The following FARS2 variants were observed in gnomAD, a reference collection of about 807,000 sequenced individuals.
FARS2 encodes phenylalanyl-tRNA synthetase 2, mitochondrial, also known as phenylalanine--tRNA ligase, mitochondrial.
Under a neutral mutation model 46.4 loss-of-function variants are expected in FARS2, and 40 were observed. That is an observed-to-expected ratio of 0.86 (90% confidence interval 0.67 to 1.12). The LOEUF is 1.12. Ranked by LOEUF, FARS2 falls within the 50% of genes most tolerant of loss-of-function variation. FARS2 has a pLI of 0.00. For synonymous variants in FARS2, 234 were observed against 214.9 expected, an observed-to-expected ratio of 1.09 and a Z score of -0.78; for missense variants, 513 against 567.9, an observed-to-expected ratio of 0.90 and a Z score of 0.98.
intron 1 of FARS2, among the ~76,000 whole-genome samples, chr6:5,299,993 A>G (rs1768180603): frequency 6.6e-6 from 1 of 152,236 alleles, no homozygotes; most frequent in African/African-American, 2.4e-5. Context: ...TTTTATTTAT[A>G]TATGAGAGCT....
chr6:5,756,625 C>T (rs906428613), intron 6 of FARS2, among the ~76,000 whole-genome samples: 1 of 152,140 alleles, frequency 6.6e-6, no homozygotes, highest in African/African-American at 2.4e-5. Flanking sequence ...CCACCAGATC[C>T]CTCCCCCAAC....
intron 1 of FARS2, among the ~76,000 whole-genome samples, chr6:5,318,486 C>T (rs759328073): frequency 6.6e-5 from 10 of 151,008 alleles, no homozygotes; most frequent in Non-Finnish European, 1.5e-4. Flanking sequence ...TGGATCTGGT[C>T]AGGTTTTTAT....
chr6:5,329,003 C>T (rs975912463), intron 1 of FARS2, among the ~76,000 whole-genome samples: 4 of 152,036 alleles, frequency 2.6e-5, no homozygotes, highest in African/African-American at 9.7e-5. Flanking sequence ...AGTGTCTTAT[C>T]TCTATAACTT....
chr6:5,678,952 T>C (rs1778897162), intron 6 of FARS2, among the ~76,000 whole-genome samples: 1 of 152,184 alleles, frequency 6.6e-6, no homozygotes, highest in African/African-American at 2.4e-5. Flanking sequence ...CCACTGTCTG[T>C]TTTATGACCT....
intron 1 of FARS2, among the ~76,000 whole-genome samples, chr6:5,319,398 GC>G (rs1293151270): frequency 6.6e-6 from 1 of 152,212 alleles, no homozygotes; most frequent in Non-Finnish European, 1.5e-5. Context: ...ATGAGCACTT[GC>G]ACAACGTCAG....
At chr6:5,438,370 C>CT (rs202222501) in intron 4 of FARS2, among the ~76,000 whole-genome samples, 5 of 145,488 alleles carry the variant, frequency 3.4e-5, no homozygotes, top group South Asian at 2.2e-4. Context: ...ACTCTGCTTA[C>CT]TTTTTTTTTT....
At chr6:5,607,981 GTA>G (rs1016649640) in intron 5 of FARS2, among the ~76,000 whole-genome samples, 16 of 68,684 alleles carry the variant, frequency 2.3e-4, no homozygotes, top group African/African-American at 7.3e-4. Flanking sequence ...ACTTGGGCAT[GTA>G]TTTTTTTTTT....
intron 6 of FARS2, among the ~76,000 whole-genome samples, chr6:5,725,282 C>T (rs879511323): frequency 6.6e-6 from 1 of 152,062 alleles, no homozygotes; most frequent in African/African-American, 2.4e-5. Context: ...GAAAGGTGTC[C>T]GTGGGGAGAA....
At chr6:5,572,727 A>G (rs1048643716) in intron 5 of FARS2, among the ~76,000 whole-genome samples, 1 of 151,906 alleles carries the variant, frequency 6.6e-6, no homozygotes, top group South Asian at 2.1e-4. Context: ...GGGTGCTTCT[A>G]TCCATCCTAG....
chr6:5,532,278 T>C (rs536454355), intron 4 of FARS2, among the ~76,000 whole-genome samples: 39 of 152,366 alleles, frequency 2.6e-4, no homozygotes, highest in African/African-American at 9.4e-4. Flanking sequence ...GAACATCTAC[T>C]GGGTGTAAAC....
chr6:5,273,349 A>G (rs1225276925), intron 1 of FARS2, among the ~76,000 whole-genome samples: 2 of 152,156 alleles, frequency 1.3e-5, no homozygotes, highest in Non-Finnish European at 2.9e-5. Flanking sequence ...CTTTTTGATA[A>G]AAGCCATTTT....
chr6:5,709,414 T>A (rs1488692947), intron 6 of FARS2, among the ~76,000 whole-genome samples: 1 of 152,192 alleles, frequency 6.6e-6, no homozygotes, highest in Non-Finnish European at 1.5e-5. Context: ...TTGTGGTTCT[T>A]ACTGCAAACT....
intron 4 of FARS2, among the ~76,000 whole-genome samples, chr6:5,477,739 C>T (rs1365727441): frequency 1.3e-5 from 2 of 152,130 alleles, no homozygotes; most frequent in Non-Finnish European, 2.9e-5. Flanking sequence ...TTAGGCAAGG[C>T]TGGGTGTGGT....
At chr6:5,467,102 T>C (rs1765557662) in intron 4 of FARS2, 4 of 984,612 alleles carry the variant, frequency 4.1e-6, no homozygotes, top group Non-Finnish European at 4.8e-6. Flanking sequence ...GATTTATTGG[T>C]TGTTGAGCCC....
intron 1 of FARS2, among the ~76,000 whole-genome samples, chr6:5,263,293 T>G (rs921685699): frequency 1.3e-5 from 2 of 152,192 alleles, no homozygotes; most frequent in African/African-American, 4.8e-5. Flanking sequence ...ATATGTATAG[T>G]TTAAATAGTT....
chr6:5,667,967 C>T (rs539898236), intron 6 of FARS2: 1 of 152,312 alleles, frequency 6.6e-6, no homozygotes, highest in South Asian at 2.1e-4. Flanking sequence ...GTGTGGGTTT[C>T]CTGAGCTGCT....
chr6:5,449,067 G>A (rs1478823792), intron 4 of FARS2, among the ~76,000 whole-genome samples: 2 of 152,198 alleles, frequency 1.3e-5, no homozygotes, highest in Admixed American at 1.3e-4. Context: ...AAAAGTCACT[G>A]GCCGGGTGCC....
intron 6 of FARS2, among the ~76,000 whole-genome samples, chr6:5,711,470 T>G (rs1349769401): frequency 6.6e-6 from 1 of 152,126 alleles, no homozygotes; most frequent in African/African-American, 2.4e-5. Flanking sequence ...GAAAGTAACT[T>G]CACAGTGGAG....
At chr6:5,646,279 G>A (rs1777068847) in intron 6 of FARS2, among the ~76,000 whole-genome samples, 1 of 152,148 alleles carries the variant, frequency 6.6e-6, no homozygotes, top group African/African-American at 2.4e-5. Context: ...TAATATCCAG[G>A]CTATAATATT....
Sources: gnomAD v4.1 joint callset for allele counts (sites outside exome capture counted in the v4.1 genomes callset) on GRCh38, gnomAD v4.1.1 for gene constraint, MANE v1.5 for transcripts, NCBI Gene and HGNC (gene_info 2026-07-23, HGNC 2026-07-21) for gene names.